Variants in CDK14 observed in about 807,000 individuals in gnomAD.
CDK14 encodes cyclin-dependent kinase 14.
CDK14 carries 34 observed loss-of-function variants against 60.7 expected under a neutral mutation model. That is an observed-to-expected ratio of 0.56 (90% CI 0.43 to 0.75). The LOEUF is 0.75. Ranked by LOEUF, CDK14 falls within the 30% of genes least tolerant of loss-of-function variation. The pLI, the probability that CDK14 is intolerant of heterozygous loss-of-function variation, is 0.00. For synonymous variants in CDK14, 197 were observed against 203.7 expected (o/e 0.97, Z 0.28); for missense variants, 482 against 564.1 (o/e 0.85, Z 1.47).
chr7:90,737,400 G>T (rs1803165352), intron 3 of CDK14, among the ~76,000 whole-genome samples: 1 of 152,338 alleles, frequency 6.6e-6, no homozygotes, highest in South Asian at 2.1e-4. Flanking sequence ...TAATCTGGGA[G>T]ATGTGGGAGG....
intron 2 of CDK14, among the ~76,000 whole-genome samples, chr7:90,701,982 C>T (rs1263647034): frequency 6.6e-6 from 1 of 152,082 alleles, no homozygotes; most frequent in Non-Finnish European, 1.5e-5. Flanking sequence ...TTGCTACCAT[C>T]AAGGGTGGAG....
At chr7:91,109,400 T>C (rs1005952298) in intron 12 of CDK14, among the ~76,000 whole-genome samples, 2 of 152,012 alleles carry the variant, frequency 1.3e-5, no homozygotes, top group Non-Finnish European at 2.9e-5. Context: ...AACACCTAAA[T>C]TGATGATGAA....
chr7:90,891,839 G>A (rs1020437650), intron 6 of CDK14, among the ~76,000 whole-genome samples: 4 of 152,236 alleles, frequency 2.6e-5, no homozygotes, highest in Non-Finnish European at 4.4e-5. Context: ...TCAGGAAGGG[G>A]CTTTATTTGG....
intron 12 of CDK14, among the ~76,000 whole-genome samples, chr7:91,094,488 C>T (rs1798924840): frequency 6.6e-6 from 1 of 152,158 alleles, no homozygotes; most frequent in Non-Finnish European, 1.5e-5. Context: ...CTGTGCCTCA[C>T]AGCATGCCAG....
chr7:91,062,605 A>G lies in CDK14; in HGVS notation c.1105+16645A>G, dbSNP rs561760720. 2.0e-5 allele frequency among the ~76,000 whole-genome samples: 3 copies of G among 152,294 alleles called. No homozygotes were observed. The South Asian group carries it at 6.2e-4, about 32-fold the overall frequency. On this transcript the variant is annotated intron_variant, in intron 11 of 14. Coordinates refer to ENST00000380050, the MANE Select transcript of CDK14 (RefSeq NM_001287135.2). ...TAATGGCAAAAATTTTAAGTGTCACATAGCTGATGATGCTAGTTTGCATTG... is the reference window on the plus strand; with the variant it reads ...TAATGGCAAAAATTTTAAGTGTCACGTAGCTGATGATGCTAGTTTGCATTG...
chr7:90,959,676 C>A (rs1331833832), intron 9 of CDK14, among the ~76,000 whole-genome samples: 1 of 151,984 alleles, frequency 6.6e-6, no homozygotes, highest in East Asian at 1.9e-4. Context: ...TAAATAGCCA[C>A]AGGAAATAAA....
Position 90,989,844 on chromosome 7 carries a change from A to T in CDK14, c.1041+5603A>T, listed in dbSNP as rs181431447. Reference sequence around the variant, plus strand: ...TGTCTTGTAGCTGTAACCATTTTTAATTTTTTTAAATGCTTGATGTTACTG... The same window carrying T: ...TGTCTTGTAGCTGTAACCATTTTTATTTTTTTTAAATGCTTGATGTTACTG... On this transcript the variant is annotated intron_variant, in intron 10 of 14. Coordinates refer to ENST00000380050, the MANE Select transcript of CDK14 (RefSeq NM_001287135.2). 4.6e-5 allele frequency among the ~76,000 whole-genome samples: 7 copies of T among 152,226 alleles called. No individual in the cohort carries two copies. The East Asian group carries it at 1.3e-3, about 29-fold the overall frequency.
chr7:90,983,891 G>C (rs1795308331), intron 9 of CDK14, among the ~76,000 whole-genome samples: 1 of 151,960 alleles, frequency 6.6e-6, no homozygotes, highest in African/African-American at 2.4e-5. Flanking sequence ...GGGAGGCAAG[G>C]GTTAACAAAC....
chr7:90,969,910 T>A (rs1428016057), intron 9 of CDK14, among the ~76,000 whole-genome samples: 1 of 152,144 alleles, frequency 6.6e-6, no homozygotes, highest in Non-Finnish European at 1.5e-5. Context: ...AGTTATTACT[T>A]TAAGACTCCA....
At chr7:90,644,458 T>A (rs1255788708) in intron 2 of CDK14, among the ~76,000 whole-genome samples, 1 of 152,204 alleles carries the variant, frequency 6.6e-6, no homozygotes, top group Non-Finnish European at 1.5e-5. Context: ...GGTGAATCTG[T>A]GGATCCTTGT....
chr7:91,194,915 C>T (rs969853492), intron 14 of CDK14, among the ~76,000 whole-genome samples: 2 of 152,142 alleles, frequency 1.3e-5, no homozygotes, highest in Non-Finnish European at 2.9e-5. Context: ...CACAAATGAA[C>T]AGTAAAAAAA....
intron 9 of CDK14, among the ~76,000 whole-genome samples, chr7:90,975,552 T>C (rs1795045151): frequency 6.6e-6 from 1 of 151,518 alleles, no homozygotes; most frequent in South Asian, 2.1e-4. Flanking sequence ...GTCTTAATAA[T>C]ATATATAGTA....
At chr7:90,757,242 G>GTC (rs1224213919) in intron 4 of CDK14, among the ~76,000 whole-genome samples, 5 of 136,068 alleles carry the variant, frequency 3.7e-5, no homozygotes, top group African/African-American at 1.1e-4. Flanking sequence ...GTGTGTGTGT[G>GTC]TGTGTGTGTC....
intron 5 of CDK14, among the ~76,000 whole-genome samples, chr7:90,813,421 A>G (rs1301209436): frequency 6.6e-6 from 1 of 152,204 alleles, no homozygotes; most frequent in Non-Finnish European, 1.5e-5. Context: ...TTTACCATGG[A>G]TAAATTATAC....
intron 14 of CDK14, among the ~76,000 whole-genome samples, chr7:91,128,766 A>G (rs907442153): frequency 4.6e-5 from 7 of 152,054 alleles, no homozygotes; most frequent in Non-Finnish European, 2.9e-5. Context: ...GTGTTTGTGC[A>G]TGCCTGGTCT....
rs540394515 is a variant in CDK14 at position 90,791,583 on chromosome 7, A to G, written c.544+931A>G. On this transcript the variant is annotated intron_variant, in intron 5 of 14. Transcript: ENST00000380050. ...GTTGATATGATTTACATGTACAACT[A>G]TTGATATGATTTACATGTATCATTT... Among the ~76,000 whole-genome samples, 34 of 152,328 alleles carry G rather than the reference A, an allele frequency of 2.2e-4. No individual in the cohort carries two copies. In the East Asian group the frequency reaches 6.6e-3, roughly 29 times the overall value.
At chr7:90,853,326 C>T (rs1040162716) in intron 5 of CDK14, among the ~76,000 whole-genome samples, 1 of 152,084 alleles carries the variant, frequency 6.6e-6, no homozygotes, top group African/African-American at 2.4e-5. Flanking sequence ...GAAGAATTTC[C>T]TTTGCCTTCT....
chr7:90,859,444 G>A (rs1584054065), intron 5 of CDK14, among the ~76,000 whole-genome samples: 1 of 152,222 alleles, frequency 6.6e-6, no homozygotes, highest in African/African-American at 2.4e-5. Flanking sequence ...ACTGTCCAGT[G>A]CAGACTCATT....
intron 6 of CDK14, among the ~76,000 whole-genome samples, chr7:90,874,686 G>A (rs577374458): frequency 6.7e-5 from 10 of 149,704 alleles, no homozygotes; most frequent in African/African-American, 1.7e-4. Flanking sequence ...CCGCCACCGT[G>A]CCCGGCTAAT....
Sources: gnomAD v4.1 joint callset for allele counts (sites outside exome capture counted in the v4.1 genomes callset) on GRCh38, gnomAD v4.1.1 for gene constraint, MANE v1.5 for transcripts, NCBI Gene and HGNC (gene_info 2026-07-23, HGNC 2026-07-21) for gene names.